The following ASIC4 variants were observed in gnomAD, a reference collection of about 807,000 sequenced individuals.
The protein encoded by ASIC4 is acid sensing ion channel subunit family member 4.
ASIC4 carries 28 observed loss-of-function variants against 53.4 expected under a neutral mutation model. The ratio of observed to expected loss-of-function variants is 0.52; its 90% CI spans 0.39 to 0.72. The LOEUF is 0.72. ASIC4 is among the 30% of genes least tolerant of loss of function. ASIC4 has a pLI of 0.00. For synonymous variants in ASIC4, 289 were observed against 301.4 expected, an observed-to-expected ratio of 0.96 and a Z score of 0.43; for missense variants, 649 against 729.7, an observed-to-expected ratio of 0.89 and a Z score of 1.27.
rs1318274032 is a variant in ASIC4 at position 219,537,072 on chromosome 2, C to T, written c.1236C>T (p.Asn412=). ...CTGCTTCCTGTCTCCACAGGGAGAA[C>T]TTCCTGGTCCTAGATGTCTTCTTTG... ...YNRNETYIRE[N]FLVLDVFFEA... is the part of the protein sequence containing the mutation. The change falls in exon 7 of 10, where the codon AAC becomes AAT. Residue 412 remains asparagine (N), a synonymous_variant. Transcript: ENST00000358078. The surrounding 1 kb of genome is among the most constrained non-coding windows in gnomAD (Gnocchi z 4.9). 1 of 1,614,064 alleles carries T rather than the reference C, an allele frequency of 6.2e-7. No homozygotes were observed. The highest frequency in any genetic ancestry group is 8.5e-7 in the Non-Finnish European group (1 of 1,179,954).
Position 219,537,367 on chromosome 2 carries a change from A to T in ASIC4, c.1401+46A>T, listed in dbSNP as rs367783589. The T allele has an allele frequency of 8.2e-6, 13 of 1,576,818 alleles. No homozygotes were observed. The African/African-American group carries it at 1.7e-4, about 21-fold the overall frequency. ...AGGGTGGGAGTGGGGGCCGTGGGCA[A>T]AGCAGAAGGGGGCAGTGCGGGGTGC... On this transcript the variant is annotated intron_variant, in intron 8 of 9. Transcript: ENST00000358078. The surrounding 1 kb of genome is among the most constrained non-coding windows in gnomAD (Gnocchi z 4.9).
chr2:219,523,242 GGGTGTAAGGC>G (rs1694915959), intron 1 of ASIC4, among the ~76,000 whole-genome samples: 1 of 152,208 alleles, frequency 6.6e-6, no homozygotes, highest in Non-Finnish European at 1.5e-5. Context: ...TGACTTTCTA[GGGTGTAAGGC>G]CTAAGCGGTC....
At position 219,538,101 on chromosome 2, in the gene ASIC4, A is replaced by G; in HGVS notation, c.*55A>G. On this transcript the variant is annotated 3_prime_UTR_variant, in exon 10 of 10. Transcript: ENST00000358078. ...GTCTGGGACCCCTCCTGGGATCCCCAGCACATTCTCCTGCTCCTGGGAGAG... is the reference window on the plus strand; with the variant it reads ...GTCTGGGACCCCTCCTGGGATCCCCGGCACATTCTCCTGCTCCTGGGAGAG... 7.0e-7 allele frequency: 1 copy of G among 1,423,594 alleles called. No individual in the cohort carries two copies. The highest frequency in any genetic ancestry group is 9.8e-7 in the Non-Finnish European group (1 of 1,025,036). 88.2% of individuals were successfully genotyped at this position (1,423,594 alleles called of 1,614,324 possible).
Position 219,537,727 on chromosome 2 carries a change from G to A in ASIC4, c.1497G>A (p.Leu499=). 1 of 1,613,434 alleles carries A rather than the reference G, an allele frequency of 6.2e-7. No homozygotes were observed. Among genetic ancestry groups the A allele is most frequent in the South Asian group, 1.1e-5 (1 of 90,962 alleles). ...GGISTLGLQE[L]KEQSPCPSRG... Reference sequence around the variant, plus strand: ...TCTCCACTTTGGGGCTTCAGGAGCTGAAGGAACAGGTGAGGACAAGCTCTA... The same window carrying A: ...TCTCCACTTTGGGGCTTCAGGAGCTAAAGGAACAGGTGAGGACAAGCTCTA... Residue 499 remains leucine, a synonymous_variant, in exon 9 of 10, where the codon CTG becomes CTA. Coordinates refer to ENST00000358078, the MANE Select transcript of ASIC4 (RefSeq NM_018674.6). The surrounding 1 kb of genome is among the most constrained non-coding windows in gnomAD (Gnocchi z 4.9).
Position 219,532,420 on chromosome 2 carries a change from C to T in ASIC4, c.961C>T (p.Arg321Cys), listed in dbSNP as rs1434311586. The change falls in exon 4 of 10, where the codon CGC becomes TGC. Residue 321 changes from arginine to cysteine, a missense_variant. Physicochemically the swap from Arg to Cys is radical, Grantham distance 180. Transcript: ENST00000358078. ...SAYSVSACRLRCEKEAVLQRC... is the reference protein window; with the variant it reads ...SAYSVSACRLCCEKEAVLQRC... The stretch of plus-strand genomic sequence containing the variant: ...CTACAGTGTGTCTGCCTGCCGGCTG[C>T]GCTGTGAAAAGGAGGCCGTGCTTCA... 3.1e-6 allele frequency: 5 copies of T among 1,613,980 alleles called. No homozygotes were observed. Among genetic ancestry groups the T allele is most frequent in the East Asian group, 2.2e-5 (1 of 44,866 alleles).
At position 219,514,753 on chromosome 2, in the gene ASIC4, A is replaced by G. The variant is rs780470675; in HGVS notation, c.29A>G (p.Lys10Arg). ...CCGATCGAGATTGTGTGCAAAATCA[A>G]ATTTGCTGAGGAGGATGCGAAACCC... MPIEIVCKI[K>R]FAEEDAKPKE... is the part of the protein sequence containing the mutation. Residue 10 changes from lysine to arginine, a missense_variant, in exon 1 of 10, where the codon AAA becomes AGA. Lys to Arg is a conservative substitution (Grantham distance 26). Transcript: ENST00000358078. 9 of 1,613,438 alleles carry G rather than the reference A, an allele frequency of 5.6e-6. No individual in the cohort carries two copies. The highest frequency in any genetic ancestry group is 1.7e-5 in the Admixed American group (1 of 60,004).
In ASIC4 at chr2:219,517,069, T is replaced by G. The variant is rs1200216960; in HGVS notation, c.582+1763T>G. The G allele has an allele frequency of 6.6e-6, 1 of 152,042 alleles. No homozygotes were observed. The highest frequency in any genetic ancestry group is 1.5e-5 in the Non-Finnish European group (1 of 68,118). 9.4% of individuals were successfully genotyped at this position (152,042 alleles called of 1,614,324 possible). ...CAGGTGCTGTTGGGACAGAAATCAA[T>G]GGGATCTTTGTGTCCCCGAGCGGGA... On this transcript the variant is annotated intron_variant, in intron 1 of 9. Coordinates refer to ENST00000358078, the MANE Select transcript of ASIC4 (RefSeq NM_018674.6). The surrounding 1 kb of genome is among the most constrained non-coding windows in gnomAD (Gnocchi z 4.2).
chr2:219,535,219 G>A lies in ASIC4; in HGVS notation c.1124G>A (p.Cys375Tyr). 1.2e-6 allele frequency: 2 copies of A among 1,614,018 alleles called. No individual in the cohort carries two copies. The highest frequency in any genetic ancestry group is 1.7e-6 in the Non-Finnish European group (2 of 1,179,962). ...GGCCCGTGCTTCTGCCCCACCCCCT[G>A]CAACCTGACACGCTATGGGAAAGAG... ...PEGPCFCPTP[C>Y]NLTRYGKEIS... The change falls in exon 6 of 10, where the codon TGC (cysteine) becomes TAC (tyrosine). Residue 375 changes from cysteine (C) to tyrosine (Y), a missense_variant. Transcript: ENST00000358078.
chr2:219,514,181 G>A (rs565591844), upstream of ASIC4: 69 of 854,700 alleles, frequency 8.1e-5, no homozygotes, highest in African/African-American at 8.7e-4. Flanking sequence ...CCCAGTGAGC[G>A]GCTAGGGTGC....
rs1257408082 is a variant in ASIC4, at chr2:219,537,632, G to A, written c.1402G>A (p.Val468Met). ...GCTGTCCCCGACCCTGAACCCCAAG[G>A]TGTCCTGGGATCGACTGAAGCGGGT... ...LLEILDYIYE[V>M]SWDRLKRVWR... The change falls in exon 9 of 10, where the codon GTG becomes ATG. Residue 468 changes from valine (V) to methionine (M), a missense_variant and splice_region_variant. Coordinates refer to ENST00000358078, the MANE Select transcript of ASIC4 (RefSeq NM_018674.6). This position sits in a 1 kb window ranked among gnomAD's most constrained non-coding sequence, Gnocchi z 4.9. The A allele has an allele frequency of 4.3e-6, 7 of 1,611,084 alleles. No homozygotes were observed. In the South Asian group the frequency reaches 5.5e-5, roughly 13 times the overall value.
chr2:219,535,550 G>A (rs1320482585), intron 6 of ASIC4, among the ~76,000 whole-genome samples: 1 of 95,508 alleles, frequency 1.0e-5, no homozygotes, highest in African/African-American at 3.0e-5. Context: ...GGGTGTGTGA[G>A]TGTGTGATGT....
chr2:219,528,581 C>T (rs1277577256), intron 1 of ASIC4, among the ~76,000 whole-genome samples: 2 of 151,672 alleles, frequency 1.3e-5, no homozygotes, highest in Non-Finnish European at 2.9e-5. Flanking sequence ...ACTCTGTTGC[C>T]CAGGCTGGAG....
rs1332930690 is a variant in ASIC4 at position 219,514,874 on chromosome 2, C to T, written c.150C>T (p.Thr50=). Residue 50 remains threonine (T), a synonymous_variant, in exon 1 of 10, where the codon ACC becomes ACT. Transcript: ENST00000358078. ...TGGCCACCTTTGCCAGCACCAGCAC[C>T]CTGCATGGACTGGGCCGGGCCTGTG... ...RDLATFASTS[T]LHGLGRACGP... 3.1e-6 allele frequency: 5 copies of T among 1,612,916 alleles called. No individual in the cohort carries two copies. In the South Asian group the frequency reaches 5.5e-5, roughly 18 times the overall value.
chr2:219,534,712 G>T (rs1459601938), intron 5 of ASIC4, among the ~76,000 whole-genome samples: 2 of 152,172 alleles, frequency 1.3e-5, no homozygotes, highest in Non-Finnish European at 2.9e-5. Context: ...ATCCTGGGAA[G>T]CTTGTCGGTC....
At chr2:219,522,281 G>GTGT (rs1694897391) in intron 1 of ASIC4, among the ~76,000 whole-genome samples, 1 of 152,194 alleles carries the variant, frequency 6.6e-6, no homozygotes, top group Non-Finnish European at 1.5e-5. Context: ...TAAATCCGTG[G>GTGT]CGCTTGGCTC....
intron 5 of ASIC4, among the ~76,000 whole-genome samples, chr2:219,534,560 G>A (rs535712784): frequency 6.6e-6 from 1 of 152,316 alleles, no homozygotes; most frequent in East Asian, 1.9e-4. Context: ...GGGGCCTCCT[G>A]TTGGCCAAAC....
intron 5 of ASIC4, among the ~76,000 whole-genome samples, chr2:219,534,764 GCCATCCATCCATCCAT>G (rs56026817): frequency 0.21 from 31,486 of 151,008 alleles, 3,954 homozygotes; most frequent in Non-Finnish European, 0.27. Flanking sequence ...CTGGCCATCT[GCCATCCATCCATCCAT>G]CCATCCATCC....
chr2:219,522,163 G>T (rs113132697), intron 1 of ASIC4, among the ~76,000 whole-genome samples: 1,663 of 152,312 alleles, frequency 0.011, 33 homozygotes, highest in East Asian at 0.058. Context: ...GTTCCAGAGA[G>T]ATAGGCACGG....
intron 1 of ASIC4, among the ~76,000 whole-genome samples, chr2:219,525,641 C>T (rs1694949715): frequency 6.6e-6 from 1 of 152,216 alleles, no homozygotes; most frequent in Non-Finnish European, 1.5e-5. Context: ...GTGCCATCTT[C>T]CTTCCTCTGC....
Sources: gnomAD v4.1 joint callset for allele counts (sites outside exome capture counted in the v4.1 genomes callset) on GRCh38, gnomAD v4.1.1 for gene constraint, Gnocchi (gnomAD v3.1) non-coding constraint, MANE v1.5 for transcripts, NCBI Gene and HGNC (gene_info 2026-07-23, HGNC 2026-07-21) for gene names.